The following TRIM44 variants were observed in gnomAD, a reference collection of about 807,000 sequenced individuals.
TRIM44 encodes the protein tripartite motif-containing protein 44.
A neutral mutation model predicts 37.4 loss-of-function variants in TRIM44; 13 were observed. The observed-to-expected ratio is 0.35, with a 90% CI of 0.23 to 0.55. The LOEUF is 0.55. TRIM44 is among the 20% of genes least tolerant of loss of function. The pLI, the probability that TRIM44 is intolerant of heterozygous loss-of-function variation, is 0.89. For synonymous variants in TRIM44, 175 were observed against 157.2 expected, an observed-to-expected ratio of 1.11 and a Z score of -0.85; for missense variants, 426 against 437.2, an observed-to-expected ratio of 0.97 and a Z score of 0.23.
chr11:35,792,091 ACACACACACACACACACACACT>A (rs1451421349), intron 4 of TRIM44, among the ~76,000 whole-genome samples: 1 of 69,008 alleles, frequency 1.4e-5, no homozygotes, highest in Non-Finnish European at 4.9e-5. Flanking sequence ...ACACACACAC[ACACACACACACACACACACACT>A]CTCTCTCATC....
chr11:35,692,930 A>G (rs564761618), intron 2 of TRIM44, among the ~76,000 whole-genome samples: 3 of 152,038 alleles, frequency 2.0e-5, no homozygotes, highest in South Asian at 2.1e-4. Flanking sequence ...CTCAAAAAAA[A>G]AAAAAGAAAA....
intron 1 of TRIM44, among the ~76,000 whole-genome samples, chr11:35,676,186 A>G (rs555309179): frequency 2.5e-4 from 38 of 152,276 alleles, no homozygotes; most frequent in African/African-American, 7.9e-4. Flanking sequence ...TATGATGAGG[A>G]ACAAACAAGA....
chr11:35,814,140 A>C lies in TRIM44; in HGVS notation c.*7755A>C, dbSNP rs1565049068. On this transcript the variant is annotated 3_prime_UTR_variant, in exon 5 of 5. Coordinates refer to ENST00000299413, the MANE Select transcript of TRIM44 (RefSeq NM_017583.6). ...TAGTCATTCAACAAAATTGGAGCAT[A>C]ATAAAAAGAAACTGGACCTCAGCGC... is the stretch of plus-strand genomic sequence containing the variant. 6.6e-6 allele frequency: 1 copy of C among 152,236 alleles called. No homozygotes were observed. The highest frequency in any genetic ancestry group is 1.5e-5 in the Non-Finnish European group (1 of 68,044). 9.4% of individuals were successfully genotyped at this position (152,236 alleles called of 1,614,324 possible).
chr11:35,778,373 T>C (rs1456527229), intron 4 of TRIM44, among the ~76,000 whole-genome samples: 1 of 152,118 alleles, frequency 6.6e-6, no homozygotes, highest in Admixed American at 6.5e-5. Flanking sequence ...TGTTTCAAGG[T>C]TTTTAGCTTC....
At chr11:35,742,488 TTATA>T (rs1198561182) in intron 4 of TRIM44, among the ~76,000 whole-genome samples, 2 of 135,212 alleles carry the variant, frequency 1.5e-5, no homozygotes, top group Non-Finnish European at 3.1e-5. Flanking sequence ...ATTAATTGTA[TTATA>T]TATAATTATA....
intron 1 of TRIM44, among the ~76,000 whole-genome samples, chr11:35,677,776 A>G (rs1851475280): frequency 6.6e-6 from 1 of 151,840 alleles, no homozygotes; most frequent in Non-Finnish European, 1.5e-5. Context: ...CATGGAATTT[A>G]TAATCTTTGA....
rs573204158 is a variant in TRIM44, at chr11:35,696,788, G to A, written c.747+11452G>A. ...CTTGAACCCAGGAGGCGGAGGTTGCGGTGAGCCGAGATCATGCCATTGCAC... is the reference window on the plus strand; with the variant it reads ...CTTGAACCCAGGAGGCGGAGGTTGCAGTGAGCCGAGATCATGCCATTGCAC... On this transcript the variant is annotated intron_variant, in intron 2 of 4. Coordinates refer to ENST00000299413, the MANE Select transcript of TRIM44 (RefSeq NM_017583.6). 4.0e-5 allele frequency among the ~76,000 whole-genome samples: 6 copies of A among 151,388 alleles called. No homozygotes were observed. The South Asian group carries it at 6.3e-4, about 16-fold the overall frequency.
chr11:35,737,217 C>T (rs556059315), intron 4 of TRIM44, among the ~76,000 whole-genome samples: 7 of 152,292 alleles, frequency 4.6e-5, no homozygotes, highest in African/African-American at 1.7e-4. Context: ...AAAAAGACAG[C>T]AGAGCCCAGA....
chr11:35,770,585 T>G (rs528956805), intron 4 of TRIM44, among the ~76,000 whole-genome samples: 2 of 152,338 alleles, frequency 1.3e-5, no homozygotes, highest in East Asian at 3.9e-4. Context: ...TAATAGCAAT[T>G]CTGACTGGTG....
intron 2 of TRIM44, among the ~76,000 whole-genome samples, chr11:35,703,039 G>A (rs979821080): frequency 3.3e-5 from 5 of 152,284 alleles, no homozygotes; most frequent in Non-Finnish European, 5.9e-5. Context: ...CTGGAAAATC[G>A]GGTCACTCCC....
intron 2 of TRIM44, among the ~76,000 whole-genome samples, chr11:35,722,414 G>A (rs1241015138): frequency 2.0e-5 from 3 of 152,194 alleles, no homozygotes; most frequent in Admixed American, 6.5e-5. Flanking sequence ...TGAAATGAAA[G>A]CAAGTTTATT....
chr11:35,693,893 C>T (rs922970338), intron 2 of TRIM44, among the ~76,000 whole-genome samples: 7 of 152,068 alleles, frequency 4.6e-5, no homozygotes, highest in Admixed American at 1.3e-4. Flanking sequence ...GAATAGAGTG[C>T]GCTAGGGAGA....
intron 4 of TRIM44, among the ~76,000 whole-genome samples, chr11:35,776,983 G>A (rs1309875966): frequency 6.6e-6 from 1 of 152,202 alleles, no homozygotes; most frequent in East Asian, 1.9e-4. Context: ...GCTTGGTGCA[G>A]AGCTGAGTTC....
At chr11:35,776,332 T>C (rs1288259937) in intron 4 of TRIM44, among the ~76,000 whole-genome samples, 3 of 152,236 alleles carry the variant, frequency 2.0e-5, no homozygotes, top group Non-Finnish European at 4.4e-5. Context: ...TTATTGTGTC[T>C]ATTTGATTCT....
chr11:35,806,089 CA>C (rs1853444234), intron 4 of TRIM44, among the ~76,000 whole-genome samples: 1 of 152,154 alleles, frequency 6.6e-6, no homozygotes, highest in South Asian at 2.1e-4. Context: ...TACTGTATAC[CA>C]GGTACTGTGC....
chr11:35,677,074 A>G (rs1851467023), intron 1 of TRIM44, among the ~76,000 whole-genome samples: 1 of 152,202 alleles, frequency 6.6e-6, no homozygotes. Context: ...CCTTAATAAA[A>G]TTCCACAATT....
intron 2 of TRIM44, among the ~76,000 whole-genome samples, chr11:35,717,887 C>T (rs77544894): frequency 0.019 from 2,917 of 151,958 alleles, 48 homozygotes; most frequent in Non-Finnish European, 0.026. Flanking sequence ...TTATCTCTAA[C>T]ATAATATAAC....
intron 2 of TRIM44, among the ~76,000 whole-genome samples, chr11:35,704,911 A>C (rs576476260): frequency 9.3e-5 from 14 of 151,264 alleles, no homozygotes; most frequent in African/African-American, 3.2e-4. Flanking sequence ...ACACATAACA[A>C]TATTAACTTT....
At chr11:35,674,235 C>CATGTGTGTGT (rs1554924870) in intron 1 of TRIM44, among the ~76,000 whole-genome samples, 1 of 149,880 alleles carries the variant, frequency 6.7e-6, no homozygotes, top group African/African-American at 2.5e-5. Flanking sequence ...AGAGAATTTG[C>CATGTGTGTGT]GTGTGTGTGT....
Sources: gnomAD v4.1 joint callset for allele counts (sites outside exome capture counted in the v4.1 genomes callset) on GRCh38, gnomAD v4.1.1 for gene constraint, MANE v1.5 for transcripts, NCBI Gene and HGNC (gene_info 2026-07-23, HGNC 2026-07-21) for gene names.